NEBL: variants seen among roughly 807,000 people sequenced by gnomAD.
NEBL encodes LIM and SH3 protein 2.
NEBL carries 122 observed loss-of-function variants against 140.2 expected under a neutral mutation model. The observed-to-expected ratio is 0.87, with a 90% CI of 0.75 to 1.01. The LOEUF (loss-of-function observed/expected upper bound fraction) is 1.01, where lower values mean the gene tolerates loss of function less well. Among genes scored for constraint, NEBL ranks in the 50% least tolerant of loss-of-function variants. The probability of loss-of-function intolerance (pLI) is 0.00; values close to 1 mark genes in which losing one functional copy is unlikely to be tolerated. For synonymous variants in NEBL, 436 were observed against 398.9 expected (o/e 1.09, Z -1.11); for missense variants, 1,365 against 1,231.3 (o/e 1.11, Z -1.62).
chr10:20,900,278 G>A (rs753878751), upstream of NEBL, among the ~76,000 whole-genome samples: 95 of 152,206 alleles, frequency 6.2e-4, no homozygotes, highest in Non-Finnish European at 8.8e-4. Context: ...AACTCTCAAA[G>A]TCCAGGTCTG....
chr10:21,085,398 G>A (rs938698207), intron 2 of NEBL, among the ~76,000 whole-genome samples: 2 of 152,178 alleles, frequency 1.3e-5, no homozygotes, highest in Non-Finnish European at 2.9e-5. Context: ...GAGGCGGAAG[G>A]ACTGCTTGAA....
intron 26 of NEBL, among the ~76,000 whole-genome samples, chr10:20,788,966 T>G (rs1304047302): frequency 6.6e-6 from 1 of 152,190 alleles, no homozygotes; most frequent in African/African-American, 2.4e-5. Flanking sequence ...GCATACTGCA[T>G]TTCCTGGCAC....
At chr10:20,867,299 G>A (rs1333070192) in intron 7 of NEBL, among the ~76,000 whole-genome samples, 2 of 152,032 alleles carry the variant, frequency 1.3e-5, no homozygotes, top group Non-Finnish European at 2.9e-5. Context: ...CAACAGAATA[G>A]TACGTCTTTT....
chr10:20,867,545 C>A (rs1844423710), intron 7 of NEBL, among the ~76,000 whole-genome samples: 2 of 152,044 alleles, frequency 1.3e-5, no homozygotes, highest in South Asian at 4.1e-4. Flanking sequence ...AGTTAATGTG[C>A]CTACCTATTA....
intron 3 of NEBL, among the ~76,000 whole-genome samples, chr10:21,180,622 T>C (rs562940237): frequency 7.8e-4 from 119 of 152,304 alleles, no homozygotes; most frequent in Non-Finnish European, 1.4e-3. Context: ...ACTCCATTAG[T>C]AGCATCCTCA....
intron 3 of NEBL, among the ~76,000 whole-genome samples, chr10:21,198,776 A>C (rs1841690193): frequency 6.6e-6 from 1 of 152,022 alleles, no homozygotes; most frequent in Non-Finnish European, 1.5e-5. Context: ...TCTTCTGCCC[A>C]GAGCCTGCCC....
chr10:21,106,646 T>C (rs1392347794), intron 2 of NEBL, among the ~76,000 whole-genome samples: 2 of 152,216 alleles, frequency 1.3e-5, no homozygotes, highest in East Asian at 3.8e-4. Context: ...TTCTTTTTGC[T>C]TAGGATTATC....
intron 3 of NEBL, among the ~76,000 whole-genome samples, chr10:20,998,339 T>C (rs1837753526): frequency 6.6e-6 from 1 of 152,042 alleles, no homozygotes; most frequent in South Asian, 2.1e-4. Flanking sequence ...CTAAGAAAGG[T>C]ATGGGGAAGA....
intron 25 of NEBL, 122 bp downstream of exon 25, chr10:20,809,684 G>T: frequency 2.1e-5 from 16 of 771,878 alleles, no homozygotes; most frequent in Admixed American, 9.9e-5. Flanking sequence ...GCATTTTTTT[G>T]GTTTGCCAAA....
chr10:21,215,789 T>G (rs1469747210), intron 3 of NEBL, among the ~76,000 whole-genome samples: 1 of 152,134 alleles, frequency 6.6e-6, no homozygotes, highest in African/African-American at 2.4e-5. Context: ...GCCTCTTGAG[T>G]AAATGGGACC....
intron 26 of NEBL, among the ~76,000 whole-genome samples, chr10:20,798,620 G>C (rs1189734060): frequency 1.3e-5 from 2 of 152,274 alleles, no homozygotes; most frequent in East Asian, 3.9e-4. Context: ...TCACTTTACA[G>C]TTTATGAAGC....
upstream of NEBL, among the ~76,000 whole-genome samples, chr10:20,901,680 A>T (rs998148899): frequency 1.3e-5 from 2 of 152,222 alleles, no homozygotes; most frequent in Non-Finnish European, 2.9e-5. Context: ...TAGGTGAAAG[A>T]AGAATTTGTT....
At chr10:20,857,563 G>A (rs1216004035) in intron 9 of NEBL, among the ~76,000 whole-genome samples, 1 of 152,154 alleles carries the variant, frequency 6.6e-6, no homozygotes, top group Non-Finnish European at 1.5e-5. Flanking sequence ...ACAAAATGGA[G>A]CCAAATGTGT....
chr10:20,818,990 C>T, intron 20 of NEBL: 6 of 962,962 alleles, frequency 6.2e-6, no homozygotes, highest in Non-Finnish European at 7.5e-6. Flanking sequence ...AGAATTAATG[C>T]TGCATGTACA....
intron 4 of NEBL, among the ~76,000 whole-genome samples, chr10:20,952,167 T>A (rs571296145): frequency 2.6e-5 from 4 of 152,256 alleles, no homozygotes; most frequent in Admixed American, 6.5e-5. Flanking sequence ...CCAGGCGGGG[T>A]GGCTCACACC....
At chr10:20,793,555 T>TC (rs1429771120) in intron 26 of NEBL, among the ~76,000 whole-genome samples, 1 of 150,482 alleles carries the variant, frequency 6.6e-6, no homozygotes, top group African/African-American at 2.5e-5. Context: ...TTTCTTTCTT[T>TC]TCTTTTTTTT....
chr10:20,855,348 A>T (rs1331942117), intron 9 of NEBL, among the ~76,000 whole-genome samples: 1 of 152,010 alleles, frequency 6.6e-6, no homozygotes, highest in East Asian at 1.9e-4. Context: ...AATAATCATG[A>T]ATGTAACAAG....
intron 2 of NEBL, among the ~76,000 whole-genome samples, chr10:21,040,683 T>C (rs534553157): frequency 1.3e-5 from 2 of 152,200 alleles, no homozygotes; most frequent in East Asian, 1.9e-4. Flanking sequence ...CTTTTTTTTT[T>C]CTTTATGGTT....
At chr10:21,229,946 C>G (rs896534416) in intron 3 of NEBL, among the ~76,000 whole-genome samples, 18 of 152,300 alleles carry the variant, frequency 1.2e-4, no homozygotes, top group Non-Finnish European at 1.3e-4. Context: ...AGCTCGGTGC[C>G]CTGCATGGGG....
Sources: gnomAD v4.1 joint callset for allele counts (sites outside exome capture counted in the v4.1 genomes callset) on GRCh38, gnomAD v4.1.1 for gene constraint, MANE v1.5 for transcripts, NCBI Gene and HGNC (gene_info 2026-07-23, HGNC 2026-07-21) for gene names.